The following LMTK2 variants were observed in gnomAD, a reference collection of about 807,000 sequenced individuals.
The protein encoded by LMTK2 is serine/threonine-protein kinase LMTK2.
In LMTK2, 37 loss-of-function variants were observed where a neutral mutation model predicts 127.5. The observed-to-expected ratio is 0.29, with a 90% CI of 0.22 to 0.38. The LOEUF is 0.38. LMTK2 is among the 10% of genes least tolerant of loss of function. LMTK2 has a pLI of 1.00. For synonymous variants in LMTK2, 819 were observed against 810.1 expected (o/e 1.01, Z -0.19); for missense variants, 1,694 against 1,920.3 (o/e 0.88, Z 2.20).
chr7:98,163,032 A>C (rs1162401465), intron 6 of LMTK2, among the ~76,000 whole-genome samples: 1 of 152,134 alleles, frequency 6.6e-6, no homozygotes, highest in Non-Finnish European at 1.5e-5. Context: ...AGTCACAAAA[A>C]GACAAGTTCT....
chr7:98,180,163 G>C (rs1034028316), intron 7 of LMTK2, among the ~76,000 whole-genome samples: 3 of 152,222 alleles, frequency 2.0e-5, no homozygotes, highest in Non-Finnish European at 2.9e-5. Flanking sequence ...GTATCAAGCT[G>C]TTACCGAATT....
chr7:98,124,919 A>G lies in LMTK2; in HGVS notation c.104-12396A>G, dbSNP rs553859130. On this transcript the variant is annotated intron_variant, in intron 1 of 13. Transcript: ENST00000297293. ...CATGTAAATATTGACTATTTTTATAACCCTCCTGGTATCAAATCACTGTCA... is the reference window on the plus strand; with the variant it reads ...CATGTAAATATTGACTATTTTTATAGCCCTCCTGGTATCAAATCACTGTCA... Among the ~76,000 whole-genome samples the G allele has an allele frequency of 5.9e-5, 9 of 152,314 alleles. No individual in the cohort carries two copies. The East Asian group carries it at 1.7e-3, about 29-fold the overall frequency.
Position 98,206,870 on chromosome 7 carries a change from C to G in LMTK2, c.*1378C>G, listed in dbSNP as rs1358334030. On this transcript the variant is annotated 3_prime_UTR_variant, in exon 14 of 14. Transcript: ENST00000297293. ...GGGACGACGGCCGACGGCAGAGCAT[C>G]AGCAGCCGACACATAGTTCGGGTCG... The G allele has an allele frequency of 6.6e-6, 1 of 152,262 alleles. No homozygotes were observed. Among genetic ancestry groups the G allele is most frequent in the Non-Finnish European group, 1.5e-5 (1 of 68,118 alleles). The allele number at this position is 152,262 out of a possible 1,614,324, so 9.4% of individuals were successfully genotyped here.
chr7:98,109,693 G>A (rs371269618), intron 1 of LMTK2, among the ~76,000 whole-genome samples: 5 of 145,456 alleles, frequency 3.4e-5, no homozygotes, highest in African/African-American at 1.0e-4. Flanking sequence ...ACAGTGAGCC[G>A]AGATTGTGCC....
chr7:98,159,000 G>T (rs1796973110), intron 5 of LMTK2, among the ~76,000 whole-genome samples: 1 of 152,312 alleles, frequency 6.6e-6, no homozygotes, highest in East Asian at 1.9e-4. Context: ...GGAGGCTGCA[G>T]TGAGCTATGA....
rs944115428 is a variant in LMTK2 at position 98,197,071 on chromosome 7, C to CT, written c.4107+2500dup. ...AAGTATCTTGGCTCCAAACTTTTAA[C>CT]TGAGTGTTCATGGGATTGGGCAGCA... On this transcript the variant is annotated intron_variant, in intron 11 of 13. Transcript: ENST00000297293. 3.2e-4 allele frequency among the ~76,000 whole-genome samples: 49 copies of CT among 152,322 alleles called. 1 individual carries two copies. Among genetic ancestry groups the CT allele is most frequent in the African/African-American group, 1.1e-3 (46 of 41,570 alleles).
At position 98,153,599 on chromosome 7, in the gene LMTK2, C is replaced by T. The variant is rs115206547; in HGVS notation, c.451-1159C>T. 2.1e-3 allele frequency among the ~76,000 whole-genome samples: 317 copies of T among 152,248 alleles called. 3 individuals are homozygous for T. Among genetic ancestry groups the T allele is most frequent in the African/African-American group, 7.3e-3 (305 of 41,540 alleles). ...TCCTCAAGGAGCAATAGGCTGGACG[C>T]GGTAGCTCACGCCTGTAATTCCAGT... On this transcript the variant is annotated intron_variant, in intron 4 of 13. Coordinates refer to ENST00000297293, the MANE Select transcript of LMTK2 (RefSeq NM_014916.4).
At position 98,145,801 on chromosome 7, in the gene LMTK2, T is replaced by G. The variant is rs564903027; in HGVS notation, c.376+4260T>G. 1.4e-3 allele frequency among the ~76,000 whole-genome samples: 211 copies of G among 152,322 alleles called. 2 individuals carry two copies. Among genetic ancestry groups the G allele is most frequent in the African/African-American group, 4.6e-3 (190 of 41,582 alleles). On this transcript the variant is annotated intron_variant, in intron 3 of 13. Transcript: ENST00000297293. ...TAGTGTCCTTTGACGCATAAAACTT[T>G]TCCGTTTTAATTTTGATGAAGTCCA...
chr7:98,107,279 A>C lies in LMTK2; in HGVS notation c.102A>C (p.Ala34=). 7.4e-7 allele frequency: 1 copy of C among 1,349,442 alleles called. No homozygotes were observed. Among genetic ancestry groups the C allele is most frequent in the Non-Finnish European group, 9.5e-7 (1 of 1,053,878 alleles). The allele number at this position is 1,349,442 out of a possible 1,614,324, so 83.6% of individuals were successfully genotyped here. The change falls in exon 1 of 14, where the codon GCA becomes GCC. Residue 34 remains alanine (A), a splice_region_variant and synonymous_variant. Transcript: ENST00000297293. Reference sequence around the variant, plus strand: ...CCGCGCCACTTCCGCAAACAGGTGCAGGTGAGCGGGCCCGCGGCGGGGACG... The same window carrying C: ...CCGCGCCACTTCCGCAAACAGGTGCCGGTGAGCGGGCCCGCGGCGGGGACG... ...AGAAPLPQTG[A]GEAPPAAEVS... is the part of the protein sequence containing the mutation.
At position 98,191,874 on chromosome 7, in the gene LMTK2, A is replaced by G; in HGVS notation, c.1409A>G (p.Gln470Arg). 1 of 1,614,226 alleles carries G rather than the reference A, an allele frequency of 6.2e-7. No homozygotes were observed. The highest frequency in any genetic ancestry group is 8.5e-7 in the Non-Finnish European group (1 of 1,180,042). The stretch of plus-strand genomic sequence containing the variant: ...GTCCTCACCGTGACCGAAACCAGCC[A>G]GGGCCTGAGCTTCGAGTATGTCTGG... ...EEVLTVTETSQGLSFEYVWEA... is the reference protein window; with the variant it reads ...EEVLTVTETSRGLSFEYVWEA... Residue 470 changes from glutamine (Q) to arginine (R), a missense_variant, in exon 11 of 14, where the codon CAG (glutamine) becomes CGG (arginine). By Grantham distance (43) the Gln-to-Arg change is conservative. Coordinates refer to ENST00000297293, the MANE Select transcript of LMTK2 (RefSeq NM_014916.4).
At chr7:98,120,079 A>G (rs943183720) in intron 1 of LMTK2, among the ~76,000 whole-genome samples, 1 of 152,198 alleles carries the variant, frequency 6.6e-6, no homozygotes, top group African/African-American at 2.4e-5. Context: ...GCTACATTAT[A>G]ATGATTGTAT....
chr7:98,139,663 C>A (rs1434133416), intron 2 of LMTK2, among the ~76,000 whole-genome samples: 2 of 152,158 alleles, frequency 1.3e-5, no homozygotes, highest in Non-Finnish European at 2.9e-5. Flanking sequence ...GCTCCCAACT[C>A]CATCAATACA....
chr7:98,117,536 T>A (rs1009585245), intron 1 of LMTK2, among the ~76,000 whole-genome samples: 1 of 144,094 alleles, frequency 6.9e-6, no homozygotes, highest in South Asian at 2.1e-4. Context: ...CATATCCTCA[T>A]TTTTTTTTTA....
chr7:98,198,760 C>T (rs1389209617), intron 11 of LMTK2, among the ~76,000 whole-genome samples: 2 of 152,102 alleles, frequency 1.3e-5, no homozygotes, highest in South Asian at 2.1e-4. Flanking sequence ...GGATTATAGA[C>T]GTGAGCCACT....
intron 6 of LMTK2, 74 bp downstream of exon 6, chr7:98,159,499 C>T: frequency 1.0e-6 from 1 of 953,744 alleles, no homozygotes; most frequent in Non-Finnish European, 1.7e-6. Flanking sequence ...GATGGACATG[C>T]TGGATGAGGG....
intron 2 of LMTK2, among the ~76,000 whole-genome samples, chr7:98,140,138 C>CG (rs1406126009): frequency 0.086 from 376 of 4,366 alleles, 98 homozygotes; most frequent in Middle Eastern, 0.33. Flanking sequence ...TTCTTTCTTT[C>CG]TTTCTTTTCT....
chr7:98,136,671 G>A (rs962605388), intron 1 of LMTK2, among the ~76,000 whole-genome samples: 2 of 152,208 alleles, frequency 1.3e-5, no homozygotes. Context: ...CACCTCACCA[G>A]GCATAGGTCA....
At chr7:98,197,273 C>A (rs1797635500) in intron 11 of LMTK2, among the ~76,000 whole-genome samples, 1 of 152,204 alleles carries the variant, frequency 6.6e-6, no homozygotes, top group Non-Finnish European at 1.5e-5. Flanking sequence ...GGAGAGGACC[C>A]TGAGGCTCAG....
At chr7:98,121,158 C>T (rs375696266) in intron 1 of LMTK2, among the ~76,000 whole-genome samples, 2 of 152,070 alleles carry the variant, frequency 1.3e-5, no homozygotes, top group South Asian at 2.1e-4. Context: ...CCTGGTGAAC[C>T]GCATTGTGCT....
Sources: gnomAD v4.1 joint callset for allele counts (sites outside exome capture counted in the v4.1 genomes callset) on GRCh38, gnomAD v4.1.1 for gene constraint, MANE v1.5 for transcripts, NCBI Gene and HGNC (gene_info 2026-07-23, HGNC 2026-07-21) for gene names.